EML1: variants seen among roughly 807,000 people sequenced by gnomAD.
EML1 encodes the protein EMAP like 1.
EML1 carries 27 observed loss-of-function variants against 110.4 expected under a neutral mutation model. The ratio of observed to expected loss-of-function variants is 0.24; its 90% CI spans 0.18 to 0.34. The LOEUF (loss-of-function observed/expected upper bound fraction) is 0.34, where lower values mean the gene tolerates loss of function less well. EML1 is among the 10% of genes least tolerant of loss of function. The pLI, the probability that EML1 is intolerant of heterozygous loss-of-function variation, is 1.00. For missense variants in EML1, 741 were observed against 1,030.9 expected (o/e 0.72, Z 3.85); for synonymous variants, 344 against 385.8 (o/e 0.89, Z 1.27).
At chr14:99,914,803 A>C (rs754431569) in intron 15 of EML1, 106 bp downstream of exon 15, 1 of 1,413,556 alleles carries the variant, frequency 7.1e-7, no homozygotes, top group Non-Finnish European at 9.4e-7. Flanking sequence ...GTCCCAAAGC[A>C]AATGTTATTT....
chr14:99,808,768 T>A (rs1210914415), intron 1 of EML1, among the ~76,000 whole-genome samples: 1 of 152,172 alleles, frequency 6.6e-6, no homozygotes, highest in African/African-American at 2.4e-5. Context: ...TTCAACACAC[T>A]CTATTTTCCA....
Position 99,885,031 on chromosome 14 carries a change from C to T in EML1, c.519-6168C>T, listed in dbSNP as rs552383982. ...GACTCTGTAGCTCTCCTCCCTTCAC[C>T]ATGCTGCACACACCGCTTGCCCTCC... On this transcript the variant is annotated intron_variant, in intron 4 of 21. Transcript: ENST00000262233. Among the ~76,000 whole-genome samples the T allele has an allele frequency of 2.0e-5, 3 of 152,382 alleles. No individual in the cohort carries two copies. In the South Asian group the frequency reaches 6.2e-4, roughly 32 times the overall value.
intron 5 of EML1, among the ~76,000 whole-genome samples, chr14:99,893,674 C>T (rs1478812904): frequency 1.3e-5 from 2 of 152,188 alleles, no homozygotes; most frequent in South Asian, 2.1e-4. Context: ...TTCCTCCCTG[C>T]GGATGCTTTT....
At chr14:99,807,259 A>G (rs2057993461) in intron 1 of EML1, among the ~76,000 whole-genome samples, 1 of 152,232 alleles carries the variant, frequency 6.6e-6, no homozygotes, top group Non-Finnish European at 1.5e-5. Context: ...TTGGAGACAG[A>G]CACATCTGGG....
At chr14:99,739,798 G>C (rs976653938) in intron 1 of EML1, among the ~76,000 whole-genome samples, 13 of 152,122 alleles carry the variant, frequency 8.5e-5, no homozygotes, top group African/African-American at 2.4e-4. Context: ...ATTCCTGCCC[G>C]GCAGCAACCA....
intron 1 of EML1, among the ~76,000 whole-genome samples, chr14:99,817,507 T>C (rs910915603): frequency 4.6e-5 from 7 of 152,218 alleles, no homozygotes; most frequent in African/African-American, 1.7e-4. Flanking sequence ...GCCGCCACCA[T>C]GGCTCCCGCA....
chr14:99,774,593 C>A (rs1371050989), intron 1 of EML1, among the ~76,000 whole-genome samples: 1 of 152,198 alleles, frequency 6.6e-6, no homozygotes, highest in Non-Finnish European at 1.5e-5. Flanking sequence ...CTAGCCCTGG[C>A]CACATAGGAT....
chr14:99,850,887 G>A lies in EML1; in HGVS notation c.102G>A (p.Val34=), dbSNP rs1419293903. The A allele has an allele frequency of 6.2e-7, 1 of 1,614,118 alleles. No individual in the cohort carries two copies. Among genetic ancestry groups the A allele is most frequent in the Admixed American group, 1.7e-5 (1 of 60,028 alleles). Residue 34 remains valine, a synonymous_variant, in exon 2 of 22, where the codon GTG becomes GTA. Coordinates refer to ENST00000262233, the MANE Select transcript of EML1 (RefSeq NM_004434.3). The part of the protein sequence containing the change: ...DSASAASSME[V]TDRIASLEQR... ...CTTCTGCTGCAAGTAGCATGGAGGT[G>A]ACAGACCGCATTGCTTCACTGGAGC... is the stretch of plus-strand genomic sequence containing the variant.
Position 99,755,941 on chromosome 14 carries a change from G to C in EML1, c.28+18081G>C, listed in dbSNP as rs369249604. Among the ~76,000 whole-genome samples the C allele has an allele frequency of 2.6e-4, 40 of 152,314 alleles. No homozygotes were observed. The South Asian group carries it at 8.1e-3, about 31-fold the overall frequency. ...TCACAGGCGAGGAACCCGAGGCTTAGATAAGCTCAAGGAACCCGCCCAGGG... is the reference window on the plus strand; with the variant it reads ...TCACAGGCGAGGAACCCGAGGCTTACATAAGCTCAAGGAACCCGCCCAGGG... On this transcript the variant is annotated intron_variant, in intron 1 of 10. Transcript: ENST00000554479.
rs1209212775 is a variant in EML1 at position 99,838,938 on chromosome 14, C to CGG, written c.68-11914_68-11913insGG. The CGG allele has an allele frequency of 5.7e-5, 3 of 52,392 alleles. No homozygotes were observed. In the East Asian group the frequency reaches 1.6e-3, roughly 28 times the overall value. The allele number at this position is 52,392 out of a possible 1,614,324, so 3.2% of individuals were successfully genotyped here. A position where few individuals can be genotyped will look rare whatever the true frequency, so the allele number is the denominator to read the frequency against. On this transcript the variant is annotated intron_variant, in intron 1 of 21. Coordinates refer to ENST00000262233, the MANE Select transcript of EML1 (RefSeq NM_004434.3). ...GCGCGCGTGTGTGTGTGTGCGCGCG[C>CGG]GCGTGCATGTTTGTAGTATTTAGTA...
Position 99,926,554 on chromosome 14 carries a change from C to T in EML1, c.1909+5677C>T, listed in dbSNP as rs779412300. The stretch of plus-strand genomic sequence containing the variant: ...CCCGCCTCGGCCTCCCAAAGTGCTG[C>T]GATTATAGGCATAAGCCACTGCCCC... On this transcript the variant is annotated intron_variant, in intron 17 of 21. Coordinates refer to ENST00000262233, the MANE Select transcript of EML1 (RefSeq NM_004434.3). Among the ~76,000 whole-genome samples the T allele has an allele frequency of 3.6e-4, 55 of 151,514 alleles. No individual in the cohort carries two copies. The Middle Eastern group carries it at 0.017, about 47-fold the overall frequency.
chr14:99,795,763 A>G (rs1003181152), intron 1 of EML1, among the ~76,000 whole-genome samples: 1 of 152,254 alleles, frequency 6.6e-6, no homozygotes, highest in Non-Finnish European at 1.5e-5. Flanking sequence ...TACAATGGCA[A>G]GACAGCAGCA....
At chr14:99,845,253 A>G (rs765712062) in intron 1 of EML1, among the ~76,000 whole-genome samples, 8 of 152,228 alleles carry the variant, frequency 5.3e-5, no homozygotes, top group Non-Finnish European at 1.0e-4. Flanking sequence ...TTGCATTTCC[A>G]TAATGACTAA....
intron 4 of EML1, among the ~76,000 whole-genome samples, chr14:99,888,776 G>A (rs2059528415): frequency 1.3e-5 from 2 of 152,202 alleles, no homozygotes; most frequent in South Asian, 4.1e-4. Flanking sequence ...GGAGGGACAG[G>A]CCCCACGGCT....
At position 99,784,803 on chromosome 14, in the gene EML1, G is replaced by C. The variant is rs559347849; in HGVS notation, c.-27+10790G>C. The stretch of plus-strand genomic sequence containing the variant: ...CCTTCATAAGATAAGCTGTAGAACT[G>C]CATCCCTGTGTGAGGCTCCCAGCCA... On this transcript the variant is annotated intron_variant, in intron 1 of 22. Coordinates refer to the EML1 transcript ENST00000327921. The surrounding 1 kb of genome is among the most constrained non-coding windows in gnomAD (Gnocchi z 4.5). Among the ~76,000 whole-genome samples the C allele has an allele frequency of 8.4e-4, 128 of 152,328 alleles. No individual in the cohort carries two copies. Among genetic ancestry groups the C allele is most frequent in the African/African-American group, 3.0e-3 (125 of 41,578 alleles).
chr14:99,917,478 G>T (rs2060052328), intron 15 of EML1, among the ~76,000 whole-genome samples: 1 of 152,174 alleles, frequency 6.6e-6, no homozygotes, highest in African/African-American at 2.4e-5. Context: ...CAGAGGCTGA[G>T]CCAGGAGTGT....
chr14:99,926,294 T>TC (rs1475826366), intron 17 of EML1, among the ~76,000 whole-genome samples: 1 of 151,732 alleles, frequency 6.6e-6, no homozygotes, highest in Non-Finnish European at 1.5e-5. Context: ...GTTTTTTTTT[T>TC]CTTTTTTTGA....
intron 1 of EML1, among the ~76,000 whole-genome samples, chr14:99,767,374 C>T (rs1321970004): frequency 1.3e-5 from 2 of 152,180 alleles, no homozygotes; most frequent in African/African-American, 4.8e-5. Flanking sequence ...GAGGCCAAGG[C>T]GGGCAGATCA....
chr14:99,915,443 C>T (rs2060018700), intron 15 of EML1: 1 of 147,524 alleles, frequency 6.8e-6, no homozygotes, highest in African/African-American at 2.5e-5. Context: ...AAGTCAACAT[C>T]TCTGTGAATT....
Sources: allele counts gnomAD v4.1 joint callset (sites outside exome capture counted in the v4.1 genomes callset), GRCh38; gene constraint gnomAD v4.1.1; non-coding constraint Gnocchi (gnomAD v3.1); transcripts MANE v1.5; gene names NCBI Gene and HGNC (gene_info 2026-07-23, HGNC 2026-07-21).